PABPC4L: variants seen among roughly 807,000 people sequenced by gnomAD.
PABPC4L encodes poly(A) binding protein cytoplasmic 4 like, also known as polyadenylate-binding protein 4-like.
For synonymous variants in PABPC4L, 169 were observed against 164.1 expected (o/e 1.03, Z -0.23); for missense variants, 452 against 451.4 (o/e 1.00, Z -0.01).
chr4:134,179,659 C>A, the PABPC4L span, among the ~76,000 whole-genome samples: 3 of 151,938 alleles, frequency 2.0e-5, no homozygotes, highest in Non-Finnish European at 4.4e-5. Flanking sequence ...CATGCAATGA[C>A]ACCTATAGGC....
chr4:134,028,329 T>C, the PABPC4L span, among the ~76,000 whole-genome samples: 1 of 152,138 alleles, frequency 6.6e-6, no homozygotes, highest in Non-Finnish European at 1.5e-5. Context: ...CTGTAACATC[T>C]GTGCACTGCC....
At chr4:134,153,325 A>G in the PABPC4L span, among the ~76,000 whole-genome samples, 1 of 151,976 alleles carries the variant, frequency 6.6e-6, no homozygotes, top group Non-Finnish European at 1.5e-5. Context: ...GCTTGGATAT[A>G]ATGTTCAGAT....
At chr4:133,968,874 G>C in the PABPC4L span, among the ~76,000 whole-genome samples, 2 of 152,084 alleles carry the variant, frequency 1.3e-5, no homozygotes, top group Admixed American at 1.3e-4. Context: ...AAGAGAAATG[G>C]CAATATTTAA....
At chr4:134,195,014 T>C (rs181897377), downstream of PABPC4L, among the ~76,000 whole-genome samples, 169 of 151,900 alleles carry the variant, frequency 1.1e-3, no homozygotes, top group Middle Eastern at 0.034. Flanking sequence ...GATTACCATA[T>C]AACTGATGGC....
chr4:134,072,694 G>A, the PABPC4L span, among the ~76,000 whole-genome samples: 1 of 152,066 alleles, frequency 6.6e-6, no homozygotes, highest in Non-Finnish European at 1.5e-5. Flanking sequence ...CCAAGACTGG[G>A]TAATTTATAA....
chr4:134,041,664 G>A, the PABPC4L span, among the ~76,000 whole-genome samples: 1 of 151,886 alleles, frequency 6.6e-6, no homozygotes, highest in African/African-American at 2.4e-5. Flanking sequence ...GTATACCTAT[G>A]TAACAAACCT....
At chr4:134,189,591 TAC>T in the PABPC4L span, among the ~76,000 whole-genome samples, 1 of 152,016 alleles carries the variant, frequency 6.6e-6, no homozygotes, top group Non-Finnish European at 1.5e-5. Flanking sequence ...GTATTCTTTT[TAC>T]ACACACATGG....
At chr4:134,167,907 A>G in the PABPC4L span, among the ~76,000 whole-genome samples, 2 of 152,092 alleles carry the variant, frequency 1.3e-5, no homozygotes, top group Non-Finnish European at 2.9e-5. Context: ...ACAACAAAAC[A>G]GAAGACTTAT....
At chr4:134,185,205 T>C in the PABPC4L span, among the ~76,000 whole-genome samples, 5 of 151,884 alleles carry the variant, frequency 3.3e-5, no homozygotes, top group South Asian at 8.3e-4. Context: ...GTGTGGTATC[T>C]AAATAGTCAT....
the PABPC4L span, among the ~76,000 whole-genome samples, chr4:134,007,223 A>G: frequency 6.6e-6 from 1 of 151,834 alleles, no homozygotes; most frequent in African/African-American, 2.4e-5. Flanking sequence ...ATAGGGTTTT[A>G]TATTTACTAT....
At chr4:134,028,609 G>A in the PABPC4L span, among the ~76,000 whole-genome samples, 6 of 152,034 alleles carry the variant, frequency 3.9e-5, no homozygotes, top group African/African-American at 1.4e-4. Context: ...ACAGTTGAAT[G>A]TGCACACATT....
At chr4:134,127,114 C>G in the PABPC4L span, among the ~76,000 whole-genome samples, 1 of 151,982 alleles carries the variant, frequency 6.6e-6, no homozygotes, top group Non-Finnish European at 1.5e-5. Flanking sequence ...CCCACCCACA[C>G]AGCAGCAGCA....
the PABPC4L span, among the ~76,000 whole-genome samples, chr4:134,092,654 C>A: frequency 2.0e-5 from 3 of 152,046 alleles, no homozygotes; most frequent in African/African-American, 7.2e-5. Flanking sequence ...CTAGACACTG[C>A]TGTGGGCCAG....
the PABPC4L span, among the ~76,000 whole-genome samples, chr4:134,140,836 T>C: frequency 6.6e-6 from 1 of 151,684 alleles, no homozygotes; most frequent in Non-Finnish European, 1.5e-5. Flanking sequence ...GTAGTGGATA[T>C]GTGACCATTG....
chr4:134,176,049 G>A, the PABPC4L span, among the ~76,000 whole-genome samples: 22 of 152,052 alleles, frequency 1.4e-4, no homozygotes, highest in Non-Finnish European at 4.4e-5. Flanking sequence ...ATAATGAATG[G>A]TGACCTAGAA....
chr4:133,994,572 G>T, the PABPC4L span, among the ~76,000 whole-genome samples: 8 of 152,138 alleles, frequency 5.3e-5, no homozygotes, highest in East Asian at 1.4e-3. Flanking sequence ...CAAGTTTCTG[G>T]CCAGTCTTGA....
the PABPC4L span, among the ~76,000 whole-genome samples, chr4:134,071,246 C>T: frequency 1.3e-5 from 2 of 152,052 alleles, no homozygotes; most frequent in African/African-American, 4.8e-5. Flanking sequence ...CCAGCTTCCT[C>T]CTCATTCTGC....
the PABPC4L span, among the ~76,000 whole-genome samples, chr4:134,055,792 A>G: frequency 6.6e-6 from 1 of 151,784 alleles, no homozygotes; most frequent in Non-Finnish European, 1.5e-5. Flanking sequence ...ATCTTAATAG[A>G]GTGTTTTGCA....
the PABPC4L span, among the ~76,000 whole-genome samples, chr4:134,076,204 A>G: frequency 6.6e-5 from 10 of 152,304 alleles, no homozygotes; most frequent in East Asian, 1.9e-3. Context: ...TGACACTTCA[A>G]AAAGCCTTAA....
Sources: allele counts gnomAD v4.1 joint callset (sites outside exome capture counted in the v4.1 genomes callset), GRCh38; gene constraint gnomAD v4.1.1; transcripts MANE v1.5; gene names NCBI Gene and HGNC (gene_info 2026-07-23, HGNC 2026-07-21).